Variants in ADGRV1 observed in about 807,000 individuals in gnomAD.
ADGRV1 encodes the protein adhesion G protein-coupled receptor V1, also known as G-protein coupled receptor 98.
In ADGRV1, 359 loss-of-function variants were observed where a neutral mutation model predicts 596.2. That is an observed-to-expected ratio of 0.60 (90% CI 0.55 to 0.66). The LOEUF (loss-of-function observed/expected upper bound fraction) is 0.66, where lower values mean the gene tolerates loss of function less well. Ranked by LOEUF, ADGRV1 falls within the 30% of genes least tolerant of loss-of-function variation. The pLI is 0.00. For missense variants in ADGRV1, 7,274 were observed against 7,575.6 expected, an observed-to-expected ratio of 0.96 and a Z score of 1.48; for synonymous variants, 2,681 against 2,679.2, an observed-to-expected ratio of 1.00 and a Z score of -0.02.
intron 3 of ADGRV1, among the ~76,000 whole-genome samples, chr5:90,618,438 G>T (rs957823311): frequency 3.9e-5 from 6 of 152,082 alleles, no homozygotes; most frequent in Admixed American, 3.9e-4. Context: ...GCAATGACTC[G>T]CTAACACCAT....
chr5:90,711,726 T>C (rs937946486), intron 41 of ADGRV1, among the ~76,000 whole-genome samples: 1 of 152,162 alleles, frequency 6.6e-6, no homozygotes, highest in African/African-American at 2.4e-5. Flanking sequence ...ATACTTTTAC[T>C]TGGTCTCTTC....
intron 83 of ADGRV1, among the ~76,000 whole-genome samples, chr5:90,931,749 C>A (rs528876393): frequency 1.3e-5 from 2 of 152,104 alleles, no homozygotes; most frequent in African/African-American, 4.8e-5. Flanking sequence ...TCTATAATTA[C>A]GCATGTTTCC....
chr5:90,729,607 T>C (rs772945717), intron 49 of ADGRV1, 35 bp from the exon 50 acceptor site: 7 of 1,522,746 alleles, frequency 4.6e-6, no homozygotes, highest in Non-Finnish European at 9.0e-7. Flanking sequence ...CTGTAACTTT[T>C]GCATTAAGAT....
chr5:90,964,624 A>G (rs1778295791), intron 83 of ADGRV1, among the ~76,000 whole-genome samples: 1 of 152,046 alleles, frequency 6.6e-6, no homozygotes, highest in African/African-American at 2.4e-5. Context: ...AGTACCTATC[A>G]TGTGCCAGTC....
chr5:90,984,020 G>T (rs1240218436), intron 84 of ADGRV1, among the ~76,000 whole-genome samples: 2 of 152,158 alleles, frequency 1.3e-5, no homozygotes, highest in African/African-American at 4.8e-5. Context: ...CTTAATAAGA[G>T]ATTTAAGAAG....
rs772696280 is a variant in ADGRV1 at position 90,720,996 on chromosome 5, A to T, written c.9685A>T (p.Asn3229Tyr). Residue 3229 changes from asparagine (N) to tyrosine (Y), a missense_variant, in exon 45 of 90, where the codon AAT (asparagine) becomes TAT (tyrosine). Transcript: ENST00000405460. The part of the protein sequence containing the change: ...RTVYLNVSRT[N>Y]GIDLAVSVQW... ...CGTGTATTTAAATGTATCTCGAACT[A>T]ATGGCATTGATTTGGCTGTGAGTGT... 26 of 1,612,728 alleles carry T rather than the reference A, an allele frequency of 1.6e-5. No homozygotes were observed. The highest frequency in any genetic ancestry group is 8.5e-7 in the Non-Finnish European group (1 of 1,179,126).
intron 14 of ADGRV1, 96 bp downstream of exon 14, chr5:90,644,079 C>A: frequency 1.1e-6 from 1 of 875,316 alleles, no homozygotes. Flanking sequence ...TTTCTAGTTG[C>A]TCACCCTGCC....
At chr5:90,790,281 C>T (rs1367638577) in intron 69 of ADGRV1, among the ~76,000 whole-genome samples, 1 of 152,052 alleles carries the variant, frequency 6.6e-6, no homozygotes, top group African/African-American at 2.4e-5. Flanking sequence ...TGGGGATGCC[C>T]TTGTAAGTTT....
At chr5:90,968,009 A>G (rs545025577) in intron 84 of ADGRV1, among the ~76,000 whole-genome samples, 3 of 152,320 alleles carry the variant, frequency 2.0e-5, no homozygotes, top group East Asian at 3.9e-4. Context: ...TTTCAGCAGG[A>G]ACATTAATTA....
In ADGRV1 at chr5:90,655,650, A is replaced by G. The variant is rs549923930; in HGVS notation, c.4378+1698A>G. 9.2e-5 allele frequency: 14 copies of G among 152,298 alleles called. No individual in the cohort carries two copies. The South Asian group carries it at 2.9e-3, about 32-fold the overall frequency. 9.4% of individuals were successfully genotyped at this position (152,298 alleles called of 1,614,324 possible). A position where few individuals can be genotyped will look rare whatever the true frequency, so the allele number is the denominator to read the frequency against. On this transcript the variant is annotated intron_variant, in intron 20 of 89. Coordinates refer to ENST00000405460, the MANE Select transcript of ADGRV1 (RefSeq NM_032119.4). Reference sequence around the variant, plus strand: ...CCTTTTTCCAAAACAGTTGAACCTAATTATACTCTCACCTCTAGTGTATGA... The same window carrying G: ...CCTTTTTCCAAAACAGTTGAACCTAGTTATACTCTCACCTCTAGTGTATGA...
intron 83 of ADGRV1, among the ~76,000 whole-genome samples, chr5:90,869,708 C>T (rs1364572926): frequency 6.6e-6 from 1 of 152,036 alleles, no homozygotes; most frequent in African/African-American, 2.4e-5. Flanking sequence ...AGCCACATTG[C>T]AAATTTTATT....
intron 1 of ADGRV1, among the ~76,000 whole-genome samples, chr5:90,596,079 G>A (rs1383497973): frequency 1.3e-3 from 192 of 149,662 alleles, no homozygotes; most frequent in Non-Finnish European, 2.2e-3. Flanking sequence ...CAGACGGGGC[G>A]GCCGGGCAGA....
At position 90,627,463 on chromosome 5, in the gene ADGRV1, A is replaced by G; in HGVS notation, c.925A>G (p.Thr309Ala). The change falls in exon 7 of 90, where the codon ACT becomes GCT. Residue 309 changes from threonine to alanine, a missense_variant. By Grantham distance (58) the Thr-to-Ala change is moderately conservative. This residue lies in a region of ADGRV1 where 1,715 missense variants were observed against 1,708.8 expected (regional missense o/e 1.00). Transcript: ENST00000405460. ...YEVSISYAVT[T>A]GNSTAHAQQN... ...GGTTTCAATCAGTTATGCTGTCACA[A>G]CTGGGAATTCCACAGCACATGCCCA... The G allele has an allele frequency of 1.9e-6, 3 of 1,614,012 alleles. No individual in the cohort carries two copies. Among genetic ancestry groups the G allele is most frequent in the East Asian group, 2.2e-5 (1 of 44,874 alleles).
rs1275296391 is a variant in ADGRV1 at position 90,689,875 on chromosome 5, A to G, written c.6505A>G (p.Ile2169Val). The G allele has an allele frequency of 3.1e-6, 5 of 1,611,752 alleles. No homozygotes were observed. The highest frequency in any genetic ancestry group is 4.2e-6 in the Non-Finnish European group (5 of 1,178,366). The change falls in exon 30 of 90, where the codon ATA becomes GTA. Residue 2169 changes from isoleucine to valine, a missense_variant. Physicochemically the swap from Ile to Val is conservative, Grantham distance 29. Around this residue, in one of 5 missense-constraint regions of ADGRV1, gnomAD observed 3,643 missense variants for 3,809.2 expected, o/e 0.96. Coordinates refer to ENST00000405460, the MANE Select transcript of ADGRV1 (RefSeq NM_032119.4). ...ITAIAGEDYS[I>V]ASSDVVLLEG... ...GGTCTTTTCAGGTGAAGATTATAGTATAGCTTCATCAGATGTGGTCTTGCT... is the reference window on the plus strand; with the variant it reads ...GGTCTTTTCAGGTGAAGATTATAGTGTAGCTTCATCAGATGTGGTCTTGCT...
rs925962324 is a variant in ADGRV1, at chr5:90,691,053, G to A, written c.6951+12G>A. ...CGGAGATTGAAGAGGTGAGAGGACTGGCTAGTATAGAATGACACTGTAAAT... is the reference window on the plus strand; with the variant it reads ...CGGAGATTGAAGAGGTGAGAGGACTAGCTAGTATAGAATGACACTGTAAAT... On this transcript the variant is annotated intron_variant, in intron 31 of 89. Transcript: ENST00000405460. 1 of 1,613,426 alleles carries A rather than the reference G, an allele frequency of 6.2e-7. No homozygotes were observed. The highest frequency in any genetic ancestry group is 1.3e-5 in the African/African-American group (1 of 74,874).
intron 87 of ADGRV1, among the ~76,000 whole-genome samples, chr5:91,125,364 A>G (rs1793660704): frequency 6.6e-6 from 1 of 152,186 alleles, no homozygotes; most frequent in African/African-American, 2.4e-5. Flanking sequence ...AGTAGCTATT[A>G]CTATTACTTC....
intron 85 of ADGRV1, among the ~76,000 whole-genome samples, chr5:91,060,388 ATATATATATATT>A (rs200541825): frequency 7.3e-5 from 3 of 41,292 alleles, no homozygotes; most frequent in Admixed American, 5.1e-4. Context: ...GTATATATAT[ATATATATATATT>A]TTTTTTTTTA....
At chr5:90,645,641 T>C (rs988298790) in intron 15 of ADGRV1, among the ~76,000 whole-genome samples, 1 of 152,238 alleles carries the variant, frequency 6.6e-6, no homozygotes, top group Non-Finnish European at 1.5e-5. Flanking sequence ...ATCTTAAAAA[T>C]CAACATGTCT....
At chr5:90,937,144 A>G (rs1056818001) in intron 83 of ADGRV1, among the ~76,000 whole-genome samples, 15 of 152,138 alleles carry the variant, frequency 9.9e-5, no homozygotes, top group Non-Finnish European at 2.1e-4. Context: ...TTAACCTTAT[A>G]TATTTGATCC....
Sources: allele counts gnomAD v4.1 joint callset (sites outside exome capture counted in the v4.1 genomes callset), GRCh38; gene constraint gnomAD v4.1.1; regional missense constraint gnomAD v4.1.1; transcripts MANE v1.5; gene names NCBI Gene and HGNC (gene_info 2026-07-23, HGNC 2026-07-21).